The following CWF19L2 variants were observed in gnomAD, a reference collection of about 807,000 sequenced individuals.
CWF19L2 encodes CWF19 like cell cycle control factor 2, also known as CWF19-like protein 2.
A neutral mutation model predicts 111.7 loss-of-function variants in CWF19L2; 98 were observed. The ratio of observed to expected loss-of-function variants is 0.88; its 90% confidence interval spans 0.75 to 1.04. CWF19L2 has a LOEUF of 1.04. Ranked by LOEUF, CWF19L2 falls within the 50% of genes least tolerant of loss-of-function variation. The pLI is 0.00. For synonymous variants in CWF19L2, 351 were observed against 342.9 expected, an observed-to-expected ratio of 1.02 and a Z score of -0.26; for missense variants, 1,101 against 1,051.4, an observed-to-expected ratio of 1.05 and a Z score of -0.65.
In CWF19L2 at chr11:107,367,689, A is replaced by AG. The variant is rs1357560822; in HGVS notation, c.1873-13954dup. On this transcript the variant is annotated intron_variant, in intron 12 of 17. Transcript: ENST00000282251. The stretch of plus-strand genomic sequence containing the variant: ...CTGGGGACTGTTGTGGGGTGGGGGG[A>AG]GGGGGGAGGGATAGCATTGGGAGAT... 8.2e-5 allele frequency among the ~76,000 whole-genome samples: 4 copies of AG among 48,836 alleles called. 1 individual carries two copies. The highest frequency in any genetic ancestry group is 4.0e-4 in the African/African-American group (4 of 10,034). The allele number at this position is 48,836 out of a possible 152,430, so 32.0% of individuals were successfully genotyped here.
In CWF19L2 at chr11:107,393,102, T is replaced by C. The variant is rs1184098030; in HGVS notation, c.1618-207A>G. Among the ~76,000 whole-genome samples, 3 of 152,154 alleles carry C rather than the reference T, an allele frequency of 2.0e-5. No homozygotes were observed. In the East Asian group the frequency reaches 5.8e-4, roughly 29 times the overall value. On this transcript the variant is annotated intron_variant, in intron 10 of 17. Transcript: ENST00000282251. ...GGTAAAAAATACCCAATGTTTATTTTAGTATTTTTAAAAAAGCAATCAAGA... is the reference window on the plus strand; with the variant it reads ...GGTAAAAAATACCCAATGTTTATTTCAGTATTTTTAAAAAAGCAATCAAGA...
intron 8 of CWF19L2, among the ~76,000 whole-genome samples, chr11:107,420,281 A>G (rs577453896): frequency 6.6e-6 from 1 of 152,272 alleles, no homozygotes; most frequent in African/African-American, 2.4e-5. Context: ...AATGTTCTAT[A>G]AATACACAGA....
chr11:107,337,037 A>C (rs1440410291), intron 14 of CWF19L2, among the ~76,000 whole-genome samples: 1 of 152,238 alleles, frequency 6.6e-6, no homozygotes, highest in African/African-American at 2.4e-5. Context: ...CAGAACTGAC[A>C]GAACAATCAT....
chr11:107,425,179 A>AACACACACACACACACACAC (rs138792527), intron 8 of CWF19L2, among the ~76,000 whole-genome samples: 1 of 144,842 alleles, frequency 6.9e-6, no homozygotes, highest in African/African-American at 2.5e-5. Flanking sequence ...CTCTCTTTGA[A>AACACACACACACACACACAC]ACACACACAC....
At position 107,439,194 on chromosome 11, in the gene CWF19L2, T is replaced by C. The variant is rs1225760608; in HGVS notation, c.571-11A>G. 3 of 1,536,750 alleles carry C rather than the reference T, an allele frequency of 2.0e-6. No individual in the cohort carries two copies. Among genetic ancestry groups the C allele is most frequent in the South Asian group, 1.2e-5 (1 of 83,218 alleles). On this transcript the variant is annotated splice_polypyrimidine_tract_variant and intron_variant, in intron 5 of 17. Transcript: ENST00000282251. ...TTCCATCAGTTTGGACTAGAACAAATTATTTTCAGAGGTGAAATTTCAAAA... is the reference window on the plus strand; with the variant it reads ...TTCCATCAGTTTGGACTAGAACAAACTATTTTCAGAGGTGAAATTTCAAAA...
Position 107,454,456 on chromosome 11 carries a change from G to T in CWF19L2, c.333C>A (p.Ser111Arg). Reference sequence around the variant, plus strand: ...AATTTTAGTACATACTTACTGATGAGCTATCAGATGACTCATTGTTTTTTT... The same window carrying T: ...AATTTTAGTACATACTTACTGATGATCTATCAGATGACTCATTGTTTTTTT... ...KYEKNNESSD[S>R]SSSSEDEWVE... The change falls in exon 3 of 18, where the codon AGC (serine) becomes AGA (arginine). Residue 111 changes from serine to arginine, a missense_variant. Coordinates refer to ENST00000282251, the MANE Select transcript of CWF19L2 (RefSeq NM_152434.3). 1 of 1,427,334 alleles carries T rather than the reference G, an allele frequency of 7.0e-7. No homozygotes were observed. The highest frequency in any genetic ancestry group is 9.1e-7 in the Non-Finnish European group (1 of 1,093,050). The allele number at this position is 1,427,334 out of a possible 1,614,324, so 88.4% of individuals were successfully genotyped here.
chr11:107,406,818 T>G (rs1240258089), intron 10 of CWF19L2, among the ~76,000 whole-genome samples: 1 of 151,670 alleles, frequency 6.6e-6, no homozygotes, highest in Non-Finnish European at 1.5e-5. Context: ...AATCTATCCT[T>G]TGTATATCGT....
chr11:107,358,102 T>C (rs1000392184), intron 12 of CWF19L2, among the ~76,000 whole-genome samples: 15 of 152,216 alleles, frequency 9.9e-5, no homozygotes, highest in African/African-American at 3.6e-4. Context: ...ACAAGTGTTG[T>C]CAAGGATGTG....
chr11:107,436,127 CT>C (rs1417113671), intron 6 of CWF19L2, among the ~76,000 whole-genome samples: 1 of 148,916 alleles, frequency 6.7e-6, no homozygotes, highest in Non-Finnish European at 1.5e-5. Context: ...GCACTCCAGC[CT>C]TGTGACAGAG....
chr11:107,455,753 T>A lies in CWF19L2; in HGVS notation c.129A>T (p.Glu43Asp). Reference protein sequence around the residue: ...LRQAKANFEKEERRKELKRLR... With the variant: ...LRQAKANFEKDERRKELKRLR... ...GTCGCTTAAGTTCTTTACGCCTTTCTTCTTTTTCAAAATTGGCTTTAGCCT... is the reference window on the plus strand; with the variant it reads ...GTCGCTTAAGTTCTTTACGCCTTTCATCTTTTTCAAAATTGGCTTTAGCCT... Residue 43 changes from glutamate to aspartate, a missense_variant, in exon 2 of 18, where the codon GAA (glutamate) becomes GAT (aspartate). Coordinates refer to ENST00000282251, the MANE Select transcript of CWF19L2 (RefSeq NM_152434.3). 6.4e-7 allele frequency: 1 copy of A among 1,551,004 alleles called. No homozygotes were observed. Among genetic ancestry groups the A allele is most frequent in the Non-Finnish European group, 8.7e-7 (1 of 1,146,618 alleles).
intron 12 of CWF19L2, among the ~76,000 whole-genome samples, chr11:107,360,183 C>T (rs898518390): frequency 3.9e-5 from 6 of 152,204 alleles, no homozygotes; most frequent in African/African-American, 1.4e-4. Context: ...CATTATTTAG[C>T]TCCCACTTAA....
intron 5 of CWF19L2, among the ~76,000 whole-genome samples, chr11:107,440,815 CCT>C (rs1861610448): frequency 6.6e-6 from 1 of 152,114 alleles, no homozygotes; most frequent in Non-Finnish European, 1.5e-5. Context: ...CATGAAAAGA[CCT>C]CTCTGGTAGC....
rs187529007 is a variant in CWF19L2, at chr11:107,383,100, C to G, written c.1872+6974G>C. Among the ~76,000 whole-genome samples, 56 of 152,276 alleles carry G rather than the reference C, an allele frequency of 3.7e-4. 1 individual carries two copies. The East Asian group carries it at 0.01, about 28-fold the overall frequency. ...CTTTATGATAACCTTTATAATAAAC[C>G]AGTAAATGTAATTTAAGTGTTTCCC... is the stretch of plus-strand genomic sequence containing the variant. On this transcript the variant is annotated intron_variant, in intron 12 of 17. Transcript: ENST00000282251.
At chr11:107,430,310 A>G (rs894333593) in intron 7 of CWF19L2, among the ~76,000 whole-genome samples, 22 of 152,168 alleles carry the variant, frequency 1.4e-4, no homozygotes, top group African/African-American at 5.1e-4. Flanking sequence ...TTATCCACAA[A>G]GGAAAGACAG....
intron 14 of CWF19L2, 28 bp from the exon 15 acceptor site, chr11:107,336,741 AAAACACTT>A: frequency 8.1e-7 from 1 of 1,234,854 alleles, no homozygotes; most frequent in Non-Finnish European, 1.1e-6. Context: ...CTAGGTAAAG[AAAACACTT>A]AAAGGAGATT....
chr11:107,401,615 C>T (rs1861000955), intron 10 of CWF19L2, among the ~76,000 whole-genome samples: 1 of 152,188 alleles, frequency 6.6e-6, no homozygotes, highest in Non-Finnish European at 1.5e-5. Context: ...ATCCCTTGCT[C>T]ATGGGTGAGT....
intron 12 of CWF19L2, among the ~76,000 whole-genome samples, chr11:107,360,977 T>C (rs988208835): frequency 3.3e-5 from 5 of 152,272 alleles, no homozygotes; most frequent in Admixed American, 3.3e-4. Flanking sequence ...CATTTGTCTT[T>C]GTTTTTATTG....
At chr11:107,385,085 C>G (rs1007366552) in intron 12 of CWF19L2, among the ~76,000 whole-genome samples, 1 of 152,098 alleles carries the variant, frequency 6.6e-6, no homozygotes, top group African/African-American at 2.4e-5. Flanking sequence ...ACTTCAAATA[C>G]TTTCTTTTTT....
chr11:107,433,088 T>C (rs1315107464), intron 7 of CWF19L2, among the ~76,000 whole-genome samples: 1 of 151,998 alleles, frequency 6.6e-6, no homozygotes, highest in Non-Finnish European at 1.5e-5. Flanking sequence ...TCTGGAAAAA[T>C]ATATTCCAGA....
Sources: gnomAD v4.1 joint callset for allele counts (sites outside exome capture counted in the v4.1 genomes callset) on GRCh38, gnomAD v4.1.1 for gene constraint, MANE v1.5 for transcripts, NCBI Gene and HGNC (gene_info 2026-07-23, HGNC 2026-07-21) for gene names.